The following CSGALNACT1 variants were observed in gnomAD, a reference collection of about 807,000 sequenced individuals.
The protein encoded by CSGALNACT1 is beta4GalNAcT-1.
CSGALNACT1 carries 52 observed loss-of-function variants against 51.0 expected under a neutral mutation model. The ratio of observed to expected loss-of-function variants is 1.02; its 90% CI spans 0.82 to 1.29. CSGALNACT1 has a LOEUF of 1.29. CSGALNACT1 is among the 50% of genes most tolerant of loss of function. CSGALNACT1 has a pLI of 0.00. For synonymous variants in CSGALNACT1, 341 were observed against 254.4 expected, an observed-to-expected ratio of 1.34 and a Z score of -3.24; for missense variants, 935 against 679.2, an observed-to-expected ratio of 1.38 and a Z score of -4.19.
At chr8:19,545,757 G>A (rs948078527) in intron 3 of CSGALNACT1, among the ~76,000 whole-genome samples, 1 of 150,084 alleles carries the variant, frequency 6.7e-6, no homozygotes, top group Non-Finnish European at 1.5e-5. Flanking sequence ...GAGACCTGCT[G>A]AGAAAAGGAT....
chr8:19,722,377 G>C (rs927095137), intron 1 of CSGALNACT1, among the ~76,000 whole-genome samples: 2 of 152,146 alleles, frequency 1.3e-5, no homozygotes, highest in African/African-American at 2.4e-5. Flanking sequence ...TAAAATAATA[G>C]TTATAATTTC....
intron 6 of CSGALNACT1, among the ~76,000 whole-genome samples, chr8:19,437,919 G>A (rs1029265435): frequency 3.3e-5 from 5 of 152,166 alleles, no homozygotes; most frequent in Admixed American, 6.5e-5. Flanking sequence ...GCTACCTTCT[G>A]GTTGAGAATT....
chr8:19,548,349 A>G (rs2154078981), intron 3 of CSGALNACT1, among the ~76,000 whole-genome samples: 1 of 152,350 alleles, frequency 6.6e-6, no homozygotes. Flanking sequence ...AAATTCCAAT[A>G]TCAAATATCA....
intron 1 of CSGALNACT1, among the ~76,000 whole-genome samples, chr8:19,698,674 G>C (rs1197620512): frequency 1.3e-5 from 2 of 152,132 alleles, no homozygotes; most frequent in Non-Finnish European, 2.9e-5. Flanking sequence ...AAAATAACAA[G>C]TGTTAGCAAA....
Position 19,505,341 on chromosome 8 carries a change from C to CG in CSGALNACT1, c.493dup (p.Arg165ProfsTer15). On this transcript the variant is annotated frameshift_variant, in exon 4 of 10. Coordinates refer to ENST00000454498, the Ensembl canonical transcript of CSGALNACT1. LOFTEE classifies it high-confidence loss of function. ...CCTCACAGGCTTCTCCTCGGGGTGG[C>CG]GGGTAAGGCCAGTCTCCAGCTGGTA... 1 of 1,614,132 alleles carries CG rather than the reference C, an allele frequency of 6.2e-7. No individual in the cohort carries two copies. Among genetic ancestry groups the CG allele is most frequent in the Non-Finnish European group, 8.5e-7 (1 of 1,179,992 alleles).
intron 1 of CSGALNACT1, among the ~76,000 whole-genome samples, chr8:19,657,799 T>C (rs534300014): frequency 6.6e-6 from 1 of 152,022 alleles, no homozygotes; most frequent in South Asian, 2.1e-4. Flanking sequence ...TTATATGGGT[T>C]TTTATAGGCA....
chr8:19,590,191 G>A (rs1004313542), intron 3 of CSGALNACT1, among the ~76,000 whole-genome samples: 1 of 152,152 alleles, frequency 6.6e-6, no homozygotes, highest in African/African-American at 2.4e-5. Context: ...TGGGCGACAC[G>A]ACTGCAAATC....
At chr8:19,630,544 C>G (rs569052150) in intron 1 of CSGALNACT1, among the ~76,000 whole-genome samples, 1 of 152,126 alleles carries the variant, frequency 6.6e-6, no homozygotes, top group Non-Finnish European at 1.5e-5. Context: ...TCTGTGGGTT[C>G]TGCCAAATGT....
intron 3 of CSGALNACT1, among the ~76,000 whole-genome samples, chr8:19,562,771 A>T (rs1372523980): frequency 6.6e-6 from 1 of 152,198 alleles, no homozygotes; most frequent in African/African-American, 2.4e-5. Context: ...ATTACAGTCA[A>T]GAAACAAAAA....
In CSGALNACT1 at chr8:19,567,797, G is replaced by A. The variant is rs536360189; in HGVS notation, c.-297+23363C>T. Among the ~76,000 whole-genome samples the A allele has an allele frequency of 5.9e-5, 9 of 152,156 alleles. No individual in the cohort carries two copies. The South Asian group carries it at 6.2e-4, about 11-fold the overall frequency. The stretch of plus-strand genomic sequence containing the variant: ...TCAGAATTAATAAGAGTTTAACAAC[G>A]TTGTTAGATGTAAAACACAATGTGG... On this transcript the variant is annotated intron_variant, in intron 3 of 9. Transcript: ENST00000454498.
intron 1 of CSGALNACT1, among the ~76,000 whole-genome samples, chr8:19,612,830 G>C (rs546727020): frequency 6.6e-6 from 1 of 151,644 alleles, no homozygotes; most frequent in African/African-American, 2.4e-5. Context: ...GATAGATTTT[G>C]TGACCCTTTG....
intron 1 of CSGALNACT1, among the ~76,000 whole-genome samples, chr8:19,750,082 T>C (rs1263049957): frequency 1.3e-5 from 2 of 152,186 alleles, no homozygotes; most frequent in Non-Finnish European, 2.9e-5. Context: ...ACCGCTTCTG[T>C]TCAGCTGACC....
intron 1 of CSGALNACT1, chr8:19,732,647 A>G (rs2063755438): frequency 6.6e-6 from 1 of 152,258 alleles, no homozygotes; most frequent in African/African-American, 2.4e-5. Flanking sequence ...AGTTAAAACA[A>G]CATACAGAGA....
At chr8:19,547,420 G>A (rs1294829563) in intron 3 of CSGALNACT1, among the ~76,000 whole-genome samples, 1 of 136,030 alleles carries the variant, frequency 7.4e-6, no homozygotes, top group African/African-American at 2.8e-5. Context: ...GAGAGACCCA[G>A]TGGGAGATAA....
chr8:19,633,848 GACA>G (rs1363699990), intron 1 of CSGALNACT1, among the ~76,000 whole-genome samples: 1 of 152,140 alleles, frequency 6.6e-6, no homozygotes, highest in Non-Finnish European at 1.5e-5. Flanking sequence ...CTTCTTTCTG[GACA>G]ACTGGTGGCA....
chr8:19,669,035 G>T (rs971937872), intron 1 of CSGALNACT1, among the ~76,000 whole-genome samples: 2 of 152,146 alleles, frequency 1.3e-5, no homozygotes, highest in African/African-American at 4.8e-5. Flanking sequence ...ATATTTACAG[G>T]CTCTCAAACA....
chr8:19,685,309 G>A (rs2060908676), upstream of CSGALNACT1, among the ~76,000 whole-genome samples: 1 of 152,154 alleles, frequency 6.6e-6, no homozygotes, highest in Admixed American at 6.5e-5. Context: ...AGGAGTTTGA[G>A]ACCAGTCTGG....
intron 1 of CSGALNACT1, among the ~76,000 whole-genome samples, chr8:19,638,273 G>C (rs1390900818): frequency 6.6e-6 from 1 of 152,068 alleles, no homozygotes; most frequent in Non-Finnish European, 1.5e-5. Context: ...TGCCCTCCCT[G>C]CCTCAACTGT....
intron 1 of CSGALNACT1, among the ~76,000 whole-genome samples, chr8:19,612,663 A>G (rs1334251242): frequency 6.6e-6 from 1 of 152,010 alleles, no homozygotes; most frequent in African/African-American, 2.4e-5. Context: ...AGCTCATTCC[A>G]TTCTCCTTGT....
Sources: gnomAD v4.1 joint callset for allele counts (sites outside exome capture counted in the v4.1 genomes callset) on GRCh38, gnomAD v4.1.1 for gene constraint, MANE v1.5 for transcripts, NCBI Gene and HGNC (gene_info 2026-07-23, HGNC 2026-07-21) for gene names.